Variants in TMEM131L observed in about 807,000 individuals in gnomAD.
TMEM131L encodes transmembrane 131 like.
TMEM131L carries 54 observed loss-of-function variants against 192.2 expected under a neutral mutation model. The observed-to-expected ratio is 0.28, with a 90% CI of 0.23 to 0.35. The LOEUF (loss-of-function observed/expected upper bound fraction) is 0.35, where lower values mean the gene tolerates loss of function less well. TMEM131L is among the 10% of genes least tolerant of loss of function. The probability of loss-of-function intolerance (pLI) is 1.00; values close to 1 mark genes in which losing one functional copy is unlikely to be tolerated. For missense variants in TMEM131L, 1,888 were observed against 1,972.9 expected (o/e 0.96, Z 0.82); for synonymous variants, 701 against 704.9 (o/e 0.99, Z 0.09).
intron 3 of TMEM131L, among the ~76,000 whole-genome samples, chr4:153,523,797 G>A (rs1735280794): frequency 6.6e-6 from 1 of 152,180 alleles, no homozygotes; most frequent in African/African-American, 2.4e-5. Context: ...ACCCAGAAAA[G>A]ATCTCACCTT....
At chr4:153,519,471 A>G (rs1180191514) in intron 3 of TMEM131L, among the ~76,000 whole-genome samples, 1 of 152,208 alleles carries the variant, frequency 6.6e-6, no homozygotes, top group Non-Finnish European at 1.5e-5. Flanking sequence ...TGTTAGGGGA[A>G]GAGCTGGGAT....
In TMEM131L at chr4:153,516,570, A is replaced by G. The variant is rs558355597; in HGVS notation, c.240-33503A>G. 7.2e-5 allele frequency among the ~76,000 whole-genome samples: 11 copies of G among 152,204 alleles called. No homozygotes were observed. The East Asian group carries it at 2.1e-3, about 29-fold the overall frequency. On this transcript the variant is annotated intron_variant, in intron 3 of 34. Transcript: ENST00000409959. ...TTATACGTGAAGTTTATTTAAAAGG[A>G]AAGAAAACCCCACCAGGCTATATCT... is the stretch of plus-strand genomic sequence containing the variant.
At chr4:153,483,768 T>G (rs1732111383) in intron 3 of TMEM131L, among the ~76,000 whole-genome samples, 2 of 152,126 alleles carry the variant, frequency 1.3e-5, no homozygotes, top group Admixed American at 1.3e-4. Context: ...AGAAGAGACT[T>G]GGGTGTTTTG....
intron 15 of TMEM131L, 104 bp from the exon 16 acceptor site, chr4:153,588,786 C>T (rs1730871278): frequency 1.5e-6 from 1 of 654,986 alleles, no homozygotes; most frequent in Non-Finnish European, 2.7e-6. Flanking sequence ...ATTAACTCTA[C>T]AGTCCTCTCA....
intron 3 of TMEM131L, among the ~76,000 whole-genome samples, chr4:153,535,345 A>G (rs1298907252): frequency 6.6e-6 from 1 of 152,150 alleles, no homozygotes; most frequent in Non-Finnish European, 1.5e-5. Flanking sequence ...TCCAGAGCAC[A>G]TGTGGATGGG....
intron 3 of TMEM131L, among the ~76,000 whole-genome samples, chr4:153,544,355 C>T (rs2150357845): frequency 6.6e-6 from 1 of 152,328 alleles, no homozygotes; most frequent in Non-Finnish European, 1.5e-5. Flanking sequence ...CTGAGTAAAC[C>T]CTTAGGAATA....
intron 7 of TMEM131L, among the ~76,000 whole-genome samples, chr4:153,566,856 A>G (rs537108327): frequency 2.0e-5 from 3 of 152,312 alleles, no homozygotes; most frequent in South Asian, 4.1e-4. Flanking sequence ...TGTGATATCT[A>G]ATACATTTCA....
At position 153,604,326 on chromosome 4, in the gene TMEM131L, T is replaced by C; in HGVS notation, c.3314T>C (p.Leu1105Pro). Residue 1105 changes from leucine (L) to proline (P), a missense_variant, in exon 25 of 35, where the codon CTC (leucine) becomes CCC (proline). Leu to Pro is a moderately conservative substitution (Grantham distance 98, BLOSUM62 -3). Coordinates refer to ENST00000409959, the MANE Select transcript of TMEM131L (RefSeq NM_001131007.2). ...ENTAEFKERE[L>P]CPLKTSKKLP... ...ACAGCCGAGTTCAAGGAACGGGAGC[T>C]CTGTCCACTGAAGACCTCCAAGAAA... The C allele has an allele frequency of 6.2e-7, 1 of 1,614,118 alleles. No homozygotes were observed. Among genetic ancestry groups the C allele is most frequent in the Non-Finnish European group, 8.5e-7 (1 of 1,180,000 alleles).
intron 3 of TMEM131L, among the ~76,000 whole-genome samples, chr4:153,488,328 G>A (rs934991279): frequency 1.1e-4 from 16 of 152,214 alleles, no homozygotes; most frequent in Non-Finnish European, 2.4e-4. Context: ...TGGGGTGGGC[G>A]GAAGCAGCAC....
At chr4:153,573,270 C>T (rs1001047301) in intron 7 of TMEM131L, among the ~76,000 whole-genome samples, 1 of 152,356 alleles carries the variant, frequency 6.6e-6, no homozygotes, top group Non-Finnish European at 1.5e-5. Context: ...CTCGCCACAG[C>T]GATGCCTGCT....
chr4:153,534,361 T>TTTAC (rs1440677658), intron 3 of TMEM131L, among the ~76,000 whole-genome samples: 1 of 152,200 alleles, frequency 6.6e-6, no homozygotes, highest in Non-Finnish European at 1.5e-5. Flanking sequence ...GGGCTGCAGC[T>TTTAC]ATAAACAGGA....
At chr4:153,485,121 TAAA>T (rs768830957) in intron 3 of TMEM131L, among the ~76,000 whole-genome samples, 50 of 106,888 alleles carry the variant, frequency 4.7e-4, no homozygotes, top group Admixed American at 8.1e-4. Context: ...TCTGTCTCAT[TAAA>T]AAAAAAAAAA....
intron 25 of TMEM131L, among the ~76,000 whole-genome samples, chr4:153,608,393 G>A (rs1295586732): frequency 6.6e-6 from 1 of 152,144 alleles, no homozygotes; most frequent in African/African-American, 2.4e-5. Flanking sequence ...TATGTGTAAT[G>A]TAAATGATCT....
chr4:153,618,536 C>T (rs980397524), intron 26 of TMEM131L, among the ~76,000 whole-genome samples: 24 of 149,630 alleles, frequency 1.6e-4, no homozygotes, highest in Non-Finnish European at 2.4e-4. Context: ...ATAATGATGA[C>T]GATAACTAAG....
intron 3 of TMEM131L, among the ~76,000 whole-genome samples, chr4:153,539,553 T>C (rs891338250): frequency 3.1e-4 from 44 of 143,064 alleles, no homozygotes; most frequent in African/African-American, 9.4e-4. Context: ...AATAATGACA[T>C]ATTGTCTGGG....
chr4:153,558,260 A>G lies in TMEM131L; in HGVS notation c.552A>G (p.Val184=), dbSNP rs746168404. 1 of 1,536,692 alleles carries G rather than the reference A, an allele frequency of 6.5e-7. No individual in the cohort carries two copies. The highest frequency in any genetic ancestry group is 2.3e-5 in the East Asian group (1 of 44,128). Reference sequence around the variant, plus strand: ...CAATTCTCTCTCTTTTTCCGCAGGTATCTGGAATTGGCACTCGTAGAATCT... The same window carrying G: ...CAATTCTCTCTCTTTTTCCGCAGGTGTCTGGAATTGGCACTCGTAGAATCT... The part of the protein sequence containing the change: ...TSSYGVLSYH[V]SGIGTRRIST... Residue 184 remains valine (V), a splice_region_variant and synonymous_variant, in exon 7 of 35, where the codon GTA becomes GTG. Transcript: ENST00000409959.
chr4:153,515,327 A>C (rs1580115214), intron 3 of TMEM131L, among the ~76,000 whole-genome samples: 1 of 152,236 alleles, frequency 6.6e-6, no homozygotes, highest in African/African-American at 2.4e-5. Flanking sequence ...TGAATATTTC[A>C]TATAAATAGA....
intron 23 of TMEM131L, among the ~76,000 whole-genome samples, chr4:153,603,054 A>AATG (rs1213427280): frequency 3.9e-5 from 6 of 152,202 alleles, no homozygotes; most frequent in African/African-American, 1.4e-4. Flanking sequence ...AGGAGGCTGG[A>AATG]ATGACCCTTT....
chr4:153,581,317 C>A, intron 8 of TMEM131L, 90 bp from the exon 9 acceptor site: 1 of 1,022,722 alleles, frequency 9.8e-7, no homozygotes, highest in South Asian at 1.8e-5. Context: ...CGTCCCATTA[C>A]GTTAAATGCT....
Sources: allele counts gnomAD v4.1 joint callset (sites outside exome capture counted in the v4.1 genomes callset), GRCh38; gene constraint gnomAD v4.1.1; transcripts MANE v1.5; gene names NCBI Gene and HGNC (gene_info 2026-07-23, HGNC 2026-07-21).